Variants in PPP1R12A observed in about 807,000 individuals in gnomAD.
PPP1R12A encodes the protein myosin binding subunit.
PPP1R12A carries 19 observed loss-of-function variants against 139.6 expected under a neutral mutation model. That is an observed-to-expected ratio of 0.14 (90% CI 0.09 to 0.20). PPP1R12A has a LOEUF of 0.20. Among genes scored for constraint, PPP1R12A ranks in the 10% least tolerant of loss-of-function variants. The pLI, the probability that PPP1R12A is intolerant of heterozygous loss-of-function variation, is 1.00. For missense variants in PPP1R12A, 925 were observed against 1,211.5 expected, an observed-to-expected ratio of 0.76 and a Z score of 3.51; for synonymous variants, 427 against 420.6, an observed-to-expected ratio of 1.02 and a Z score of -0.19.
intron 1 of PPP1R12A, among the ~76,000 whole-genome samples, chr12:79,919,387 T>C (rs955581123): frequency 2.0e-5 from 3 of 151,672 alleles, no homozygotes; most frequent in African/African-American, 7.3e-5. Context: ...AAACCCCATC[T>C]CTACTAAAAA....
intron 2 of PPP1R12A, among the ~76,000 whole-genome samples, chr12:79,849,618 C>A (rs1189650632): frequency 6.6e-6 from 1 of 152,018 alleles, no homozygotes; most frequent in Non-Finnish European, 1.5e-5. Context: ...AACAAACAAA[C>A]AAACAAACAA....
chr12:79,890,905 C>CCCCA (rs1555235834), intron 1 of PPP1R12A, among the ~76,000 whole-genome samples: 2 of 115,718 alleles, frequency 1.7e-5, no homozygotes, highest in South Asian at 2.9e-4. Context: ...CCACACCCAC[C>CCCCA]CACACACACA....
intron 2 of PPP1R12A, 71 bp downstream of exon 2, chr12:79,872,737 T>G: frequency 6.7e-7 from 1 of 1,486,148 alleles, no homozygotes. Flanking sequence ...TCATTTATCT[T>G]TATCACTTCA....
intron 1 of PPP1R12A, among the ~76,000 whole-genome samples, chr12:79,929,124 A>T (rs947108850): frequency 1.3e-5 from 2 of 152,156 alleles, no homozygotes; most frequent in African/African-American, 4.8e-5. Flanking sequence ...CAGGAATTAG[A>T]TGCTCATAAA....
intron 2 of PPP1R12A, among the ~76,000 whole-genome samples, chr12:79,849,659 C>G (rs559633913): frequency 6.6e-6 from 1 of 152,240 alleles, no homozygotes; most frequent in Non-Finnish European, 1.5e-5. Context: ...GTGTTCCAAA[C>G]TGAAAGTTAG....
At chr12:79,850,790 GAGATA>G (rs1410829142) in intron 2 of PPP1R12A, among the ~76,000 whole-genome samples, 6 of 152,018 alleles carry the variant, frequency 3.9e-5, no homozygotes, top group African/African-American at 1.5e-4. Flanking sequence ...GAGTTCTCAC[GAGATA>G]TGGCTGTTTG....
At chr12:79,778,418 C>A in intron 24 of PPP1R12A, 132 bp downstream of exon 24, 1 of 538,148 alleles carries the variant, frequency 1.9e-6, no homozygotes, top group Non-Finnish European at 2.8e-6. Context: ...GAAAGAGAAG[C>A]ACCAGATATA....
chr12:79,876,787 G>A (rs1156706186), intron 1 of PPP1R12A, among the ~76,000 whole-genome samples: 2 of 152,082 alleles, frequency 1.3e-5, no homozygotes, highest in Non-Finnish European at 2.9e-5. Flanking sequence ...TGAGGCAGGT[G>A]GATCATGAGA....
chr12:79,775,729 A>C lies in PPP1R12A; in HGVS notation c.*200T>G, dbSNP rs76749433. On this transcript the variant is annotated 3_prime_UTR_variant, in exon 25 of 25. Coordinates refer to ENST00000450142, the MANE Select transcript of PPP1R12A (RefSeq NM_002480.3). Reference sequence around the variant, plus strand: ...CAATGGTCTTGATTAAAAAAAAAAAACAAAAAACAAACCAACAACAACAAA... The same window carrying C: ...CAATGGTCTTGATTAAAAAAAAAAACCAAAAAACAAACCAACAACAACAAA... 5.4e-6 allele frequency: 2 copies of C among 369,846 alleles called. No individual in the cohort carries two copies. Among genetic ancestry groups the C allele is most frequent in the Non-Finnish European group, 4.8e-6 (1 of 208,398 alleles). 22.9% of individuals were successfully genotyped at this position (369,846 alleles called of 1,614,324 possible).
At chr12:79,844,666 C>A (rs574289652) in intron 3 of PPP1R12A, among the ~76,000 whole-genome samples, 14 of 152,298 alleles carry the variant, frequency 9.2e-5, no homozygotes, top group African/African-American at 3.4e-4. Flanking sequence ...TATAACAAAT[C>A]ATGTCAATCC....
At chr12:79,890,452 C>T (rs1018322258) in intron 1 of PPP1R12A, among the ~76,000 whole-genome samples, 1 of 152,066 alleles carries the variant, frequency 6.6e-6, no homozygotes, top group South Asian at 2.1e-4. Flanking sequence ...GTTTTCAGGC[C>T]TATCTTCTAA....
At chr12:79,890,905 C>CCACACACA (rs1303227049) in intron 1 of PPP1R12A, among the ~76,000 whole-genome samples, 6,664 of 115,414 alleles carry the variant, frequency 0.058, 335 homozygotes, top group Middle Eastern at 0.13. Context: ...CCACACCCAC[C>CCACACACA]CACACACACA....
At chr12:79,789,164 T>G (rs1014796848) in intron 20 of PPP1R12A, among the ~76,000 whole-genome samples, 4 of 152,066 alleles carry the variant, frequency 2.6e-5, no homozygotes, top group African/African-American at 9.7e-5. Flanking sequence ...ACTCCTGGGC[T>G]CAAGCAATTC....
intron 4 of PPP1R12A, among the ~76,000 whole-genome samples, chr12:79,831,751 G>A (rs1273087893): frequency 1.3e-5 from 2 of 152,064 alleles, no homozygotes; most frequent in Non-Finnish European, 2.9e-5. Flanking sequence ...TATTTGCATT[G>A]CAGAAGTAAA....
At chr12:79,802,320 TA>T (rs1396808762) in intron 14 of PPP1R12A, among the ~76,000 whole-genome samples, 9 of 152,224 alleles carry the variant, frequency 5.9e-5, no homozygotes, top group African/African-American at 2.2e-4. Flanking sequence ...AAAGTGCTCC[TA>T]AGAACATCAG....
chr12:79,935,340 G>C (rs1190969695), upstream of PPP1R12A: 2 of 1,020,912 alleles, frequency 2.0e-6, no homozygotes, highest in Non-Finnish European at 2.3e-6. Context: ...AGGCAGCGGG[G>C]GCTGGGACAG....
intron 1 of PPP1R12A, among the ~76,000 whole-genome samples, chr12:79,910,272 G>C (rs956159370): frequency 6.6e-6 from 1 of 151,818 alleles, no homozygotes; most frequent in Admixed American, 6.6e-5. Flanking sequence ...CTGAGGTCAG[G>C]ACTTCGAAAC....
intron 8 of PPP1R12A, 38 bp downstream of exon 8, chr12:79,820,736 C>A: frequency 1.3e-6 from 2 of 1,599,026 alleles, no homozygotes; most frequent in South Asian, 2.2e-5. Context: ...TACACTGCCA[C>A]AAAATTCAAC....
At chr12:79,829,750 A>G (rs1382713412) in intron 4 of PPP1R12A, among the ~76,000 whole-genome samples, 1 of 152,144 alleles carries the variant, frequency 6.6e-6, no homozygotes, top group African/African-American at 2.4e-5. Flanking sequence ...GCTGTTCCCC[A>G]TTAGGAAATA....
Sources: gnomAD v4.1 joint callset for allele counts (sites outside exome capture counted in the v4.1 genomes callset) on GRCh38, gnomAD v4.1.1 for gene constraint, MANE v1.5 for transcripts, NCBI Gene and HGNC (gene_info 2026-07-23, HGNC 2026-07-21) for gene names.